Variants in POLI observed in about 807,000 individuals in gnomAD.
The protein encoded by POLI is RAD30 homolog B.
In POLI, 58 loss-of-function variants were observed where a neutral mutation model predicts 51.6. The ratio of observed to expected loss-of-function variants is 1.12; its 90% CI spans 0.91 to 1.40. The LOEUF (loss-of-function observed/expected upper bound fraction) is 1.40, where lower values mean the gene tolerates loss of function less well. Ranked by LOEUF, POLI falls within the 40% of genes most tolerant of loss-of-function variation. The probability of loss-of-function intolerance (pLI) is 0.00; values close to 1 mark genes in which losing one functional copy is unlikely to be tolerated. For synonymous variants in POLI, 322 were observed against 299.7 expected (o/e 1.07, Z -0.77); for missense variants, 921 against 871.3 (o/e 1.06, Z -0.72).
Position 54,295,471 on chromosome 18 carries a change from C to A in POLI, c.*1004C>A, listed in dbSNP as rs1308319880. On this transcript the variant is annotated 3_prime_UTR_variant, in exon 10 of 10. Transcript: ENST00000579534. ...ACATAGAGGATGTTTATAGAATATA[C>A]TAAAGTATCCCTCAGCACCAATATG... 1 of 961,306 alleles carries A rather than the reference C, an allele frequency of 1.0e-6. No individual in the cohort carries two copies. Among genetic ancestry groups the A allele is most frequent in the East Asian group, 1.2e-4 (1 of 8,692 alleles). 59.5% of individuals were successfully genotyped at this position (961,306 alleles called of 1,614,324 possible).
intron 3 of POLI, among the ~76,000 whole-genome samples, chr18:54,317,830 A>G (rs906144501): frequency 6.6e-6 from 1 of 152,178 alleles, no homozygotes; most frequent in African/African-American, 2.4e-5. Flanking sequence ...ATACCACTGC[A>G]CTCAAGCCTG....
rs369085927 is a variant in POLI at position 54,303,919 on chromosome 18, C to A, written c.334-16354C>A. On this transcript the variant is annotated intron_variant, in intron 3 of 4. Coordinates refer to the POLI transcript ENST00000579823. ...TAATGCTATCCCTCCCCCATCCCCCCACCCCACAATGGCCCTGGTGTGTGA... is the reference window on the plus strand; with the variant it reads ...TAATGCTATCCCTCCCCCATCCCCCAACCCCACAATGGCCCTGGTGTGTGA... Among the ~76,000 whole-genome samples, 160 of 152,058 alleles carry A rather than the reference C, an allele frequency of 1.1e-3. 4 individuals are homozygous for A. In the South Asian group the frequency reaches 0.029, roughly 28 times the overall value.
At chr18:54,310,742 G>A (rs2144645574) in intron 3 of POLI, among the ~76,000 whole-genome samples, 2 of 152,106 alleles carry the variant, frequency 1.3e-5, no homozygotes, top group Middle Eastern at 6.8e-3. Context: ...AAAACTATAA[G>A]CTTTTTTTCA....
At chr18:54,309,705 G>T (rs947681660) in intron 3 of POLI, among the ~76,000 whole-genome samples, 1 of 152,186 alleles carries the variant, frequency 6.6e-6, no homozygotes, top group African/African-American at 2.4e-5. Flanking sequence ...ACAGAGGCAG[G>T]CAGGCCTCAT....
chr18:54,273,562 G>A (rs540994022), intron 2 of POLI, among the ~76,000 whole-genome samples: 1 of 151,992 alleles, frequency 6.6e-6, no homozygotes, highest in South Asian at 2.1e-4. Flanking sequence ...TACATAGATT[G>A]CCTTTTGTAT....
chr18:54,283,079 A>G (rs887730019), intron 6 of POLI, 64 bp downstream of exon 6: 2 of 1,055,724 alleles, frequency 1.9e-6, no homozygotes, highest in African/African-American at 3.2e-5. Flanking sequence ...AAAGATTTCT[A>G]GTTTTAGTAC....
intron 3 of POLI, among the ~76,000 whole-genome samples, chr18:54,310,398 T>G (rs7234448): frequency 0.12 from 18,072 of 152,118 alleles, 3,588 homozygotes; most frequent in African/African-American, 0.41. Flanking sequence ...TTTGTTTTCT[T>G]ATTTGCAGAC....
In POLI at chr18:54,269,593, ACG is replaced by A; in HGVS notation, c.48_49del (p.Asp16GlufsTer26). Reference sequence around the variant, plus strand: ...CCGGAGGAGGAAGGCGGCGGCGACGACGACGAGGAAGACGCCGAGGCCTGGGC... The same window carrying A: ...CCGGAGGAGGAAGGCGGCGGCGACGAACGAGGAAGACGCCGAGGCCTGGGC... On this transcript the variant is annotated frameshift_variant, in exon 1 of 10. Transcript: ENST00000579534. LOFTEE classifies it high-confidence loss of function. 12 of 1,501,742 alleles carry A rather than the reference ACG, an allele frequency of 8.0e-6. No individual in the cohort carries two copies. Among genetic ancestry groups the A allele is most frequent in the Non-Finnish European group, 1.1e-5 (12 of 1,129,192 alleles). 93.0% of individuals were successfully genotyped at this position (1,501,742 alleles called of 1,614,324 possible). A position where few individuals can be genotyped will look rare whatever the true frequency, so the allele number is the denominator to read the frequency against.
chr18:54,299,294 G>T (rs1305777464), downstream of POLI, among the ~76,000 whole-genome samples: 5 of 152,182 alleles, frequency 3.3e-5, no homozygotes, highest in East Asian at 7.7e-4. Context: ...AGTTGACTGG[G>T]CGTGGTGGTG....
intron 3 of POLI, among the ~76,000 whole-genome samples, chr18:54,307,656 G>A (rs1033540913): frequency 6.6e-5 from 10 of 152,198 alleles, no homozygotes; most frequent in South Asian, 4.2e-4. Context: ...CTTCTGTCTC[G>A]TTGATCTGTC....
At chr18:54,275,411 T>C (rs1480387350) in intron 3 of POLI, among the ~76,000 whole-genome samples, 1 of 152,152 alleles carries the variant, frequency 6.6e-6, no homozygotes, top group African/African-American at 2.4e-5. Flanking sequence ...GTCAAAAGTA[T>C]GGAAGGAAAA....
At position 54,315,806 on chromosome 18, in the gene POLI, G is replaced by T. The variant is rs2144651896; in HGVS notation, c.334-4467G>T. Among the ~76,000 whole-genome samples the T allele has an allele frequency of 1.3e-5, 2 of 152,112 alleles. 1 individual carries two copies. Among genetic ancestry groups the T allele is most frequent in the South Asian group, 4.2e-4 (2 of 4,818 alleles). On this transcript the variant is annotated intron_variant, in intron 3 of 4. Transcript: ENST00000579823. The stretch of plus-strand genomic sequence containing the variant: ...CTTTTTTGTTTTCCATTTGCATGAT[G>T]GATCTTTCTCCACCTCTTTACTTTG...
chr18:54,272,738 C>G (rs1228337744), intron 2 of POLI, among the ~76,000 whole-genome samples: 1 of 151,396 alleles, frequency 6.6e-6, no homozygotes, highest in Admixed American at 6.6e-5. Context: ...TCCCAAAGTG[C>G]GGGGACTACA....
chr18:54,291,836 A>G lies in POLI; in HGVS notation c.1202A>G (p.Asn401Ser). The stretch of plus-strand genomic sequence containing the variant: ...TATTCTTAAACATTTTATTTAGGAA[A>G]TTATGATGTGATGACCCCAATGGTT... Reference protein sequence around the residue: ...SHVIQKLGTGNYDVMTPMVDI... With the variant: ...SHVIQKLGTGSYDVMTPMVDI... The change falls in exon 9 of 10, where the codon AAT (asparagine) becomes AGT (serine). Residue 401 changes from asparagine to serine, a missense_variant. Physicochemically the swap from Asn to Ser is conservative, Grantham distance 46 (BLOSUM62 1). Transcript: ENST00000579534. The G allele has an allele frequency of 6.8e-7, 1 of 1,465,704 alleles. No individual in the cohort carries two copies. Among genetic ancestry groups the G allele is most frequent in the Non-Finnish European group, 9.5e-7 (1 of 1,050,646 alleles). 90.8% of individuals were successfully genotyped at this position (1,465,704 alleles called of 1,614,324 possible). A position where few individuals can be genotyped will look rare whatever the true frequency, so the allele number is the denominator to read the frequency against.
At chr18:54,319,492 G>T (rs962501499) in intron 3 of POLI, among the ~76,000 whole-genome samples, 1 of 152,094 alleles carries the variant, frequency 6.6e-6, no homozygotes, top group African/African-American at 2.4e-5. Flanking sequence ...GGTAAGTCCA[G>T]TAATGTCTGA....
At chr18:54,311,128 C>T in intron 3 of POLI, 1 of 981,076 alleles carries the variant, frequency 1.0e-6, no homozygotes, top group Non-Finnish European at 1.2e-6. Context: ...ATGCTGCCAC[C>T]CTGCCACTTC....
Position 54,296,190 on chromosome 18 carries a change from A to G in POLI, c.*1723A>G. 1.3e-5 allele frequency: 13 copies of G among 984,862 alleles called. No homozygotes were observed. The highest frequency in any genetic ancestry group is 1.6e-5 in the Non-Finnish European group (13 of 829,414). 61.0% of individuals were successfully genotyped at this position (984,862 alleles called of 1,614,324 possible). A position where few individuals can be genotyped will look rare whatever the true frequency, so the allele number is the denominator to read the frequency against. On this transcript the variant is annotated 3_prime_UTR_variant, in exon 10 of 10. Coordinates refer to ENST00000579534, the MANE Select transcript of POLI (RefSeq NM_007195.3). The stretch of plus-strand genomic sequence containing the variant: ...ATTAAAACATTTTATAGTCCTTGTA[A>G]TGATTTCAGGACCTTGGACAGCTAG...
At chr18:54,309,373 G>C (rs1217881453) in intron 3 of POLI, among the ~76,000 whole-genome samples, 1 of 152,144 alleles carries the variant, frequency 6.6e-6, no homozygotes. Context: ...AGTTTGCTGG[G>C]GGTCCACTCC....
chr18:54,269,607 G>C lies in POLI; in HGVS notation c.61G>C (p.Ala21Pro). 1 of 1,505,148 alleles carries C rather than the reference G, an allele frequency of 6.6e-7. No homozygotes were observed. The highest frequency in any genetic ancestry group is 8.8e-7 in the Non-Finnish European group (1 of 1,131,096). 93.2% of individuals were successfully genotyped at this position (1,505,148 alleles called of 1,614,324 possible). A position where few individuals can be genotyped will look rare whatever the true frequency, so the allele number is the denominator to read the frequency against. Residue 21 changes from alanine to proline, a missense_variant, in exon 1 of 10, where the codon GCC becomes CCC. Coordinates refer to ENST00000579534, the MANE Select transcript of POLI (RefSeq NM_007195.3). ...EGGGDDDEED[A>P]EAWAMELADV... ...CGGCGGCGACGACGACGAGGAAGACGCCGAGGCCTGGGCCATGGAACTGGC... is the reference window on the plus strand; with the variant it reads ...CGGCGGCGACGACGACGAGGAAGACCCCGAGGCCTGGGCCATGGAACTGGC...
Sources: gnomAD v4.1 joint callset for allele counts (sites outside exome capture counted in the v4.1 genomes callset) on GRCh38, gnomAD v4.1.1 for gene constraint, MANE v1.5 for transcripts, NCBI Gene and HGNC (gene_info 2026-07-23, HGNC 2026-07-21) for gene names.